Variants in VPS50 observed in about 807,000 individuals in gnomAD.
VPS50 encodes the protein VPS50 subunit of EARP/GARPII complex.
VPS50 carries 70 observed loss-of-function variants against 139.7 expected under a neutral mutation model. The observed-to-expected ratio is 0.50, with a 90% CI of 0.41 to 0.61. The LOEUF (loss-of-function observed/expected upper bound fraction) is 0.61, where lower values mean the gene tolerates loss of function less well. Ranked by LOEUF, VPS50 falls within the 20% of genes least tolerant of loss-of-function variation. VPS50 has a pLI of 0.00. For missense variants in VPS50, 921 were observed against 1,133.7 expected (o/e 0.81, Z 2.69); for synonymous variants, 365 against 376.7 (o/e 0.97, Z 0.36).
chr7:93,329,517 A>G (rs939470302), intron 21 of VPS50, among the ~76,000 whole-genome samples: 3 of 151,996 alleles, frequency 2.0e-5, no homozygotes, highest in Non-Finnish European at 4.4e-5. Flanking sequence ...AGAGAGAGAG[A>G]ATGGGTCAGA....
At chr7:93,259,719 T>A in intron 9 of VPS50, 87 bp downstream of exon 9, 1 of 707,490 alleles carries the variant, frequency 1.4e-6, no homozygotes, top group Non-Finnish European at 2.5e-6. Flanking sequence ...ACATTGAAAA[T>A]TAGTATAAAG....
chr7:93,255,674 A>T (rs1310573005), intron 4 of VPS50, among the ~76,000 whole-genome samples: 2 of 152,224 alleles, frequency 1.3e-5, no homozygotes, highest in African/African-American at 4.8e-5. Flanking sequence ...TCTAGACAAA[A>T]ACAATGAGTG....
chr7:93,316,704 G>A (rs1014579923), intron 20 of VPS50, among the ~76,000 whole-genome samples: 13 of 152,152 alleles, frequency 8.5e-5, no homozygotes, highest in Non-Finnish European at 1.2e-4. Flanking sequence ...GACATATAGA[G>A]GTACCTCTGG....
chr7:93,347,574 C>G lies in VPS50; in HGVS notation c.2208-1137C>G, dbSNP rs377696624. Among the ~76,000 whole-genome samples, 42 of 133,068 alleles carry G rather than the reference C, an allele frequency of 3.2e-4. No individual in the cohort carries two copies. In the South Asian group the frequency reaches 4.3e-3, roughly 14 times the overall value. The allele number at this position is 133,068 out of a possible 152,430, so 87.3% of individuals were successfully genotyped here. ...CACAATGGCAAAGACTTGGAACCAA[C>G]CCAAATGTCCAACAATGATAGACTC... On this transcript the variant is annotated intron_variant, in intron 23 of 27. Coordinates refer to ENST00000305866, the MANE Select transcript of VPS50 (RefSeq NM_017667.4).
chr7:93,239,770 T>G (rs1794923900), intron 1 of VPS50, 96 bp from the exon 2 acceptor site: 2 of 692,830 alleles, frequency 2.9e-6, no homozygotes, highest in Non-Finnish European at 5.1e-6. Flanking sequence ...AAATTTCTAT[T>G]TTTAAAGTGG....
chr7:93,321,486 A>G (rs1022298564), intron 20 of VPS50, among the ~76,000 whole-genome samples: 2 of 152,102 alleles, frequency 1.3e-5, no homozygotes, highest in African/African-American at 4.8e-5. Flanking sequence ...CTTATTGATT[A>G]TTGTCTTCCA....
chr7:93,328,778 G>A (rs181679144), intron 21 of VPS50, among the ~76,000 whole-genome samples: 400 of 152,198 alleles, frequency 2.6e-3, no homozygotes, highest in African/African-American at 9.1e-3. Flanking sequence ...TAGAAAACTG[G>A]AAACACTGAA....
chr7:93,291,093 T>C (rs1796635446), intron 12 of VPS50, among the ~76,000 whole-genome samples: 3 of 152,024 alleles, frequency 2.0e-5, no homozygotes, highest in Admixed American at 6.6e-5. Flanking sequence ...GAATGGCAAA[T>C]TGGTTGTTTT....
At chr7:93,309,206 A>T (rs1797198639) in intron 19 of VPS50, among the ~76,000 whole-genome samples, 1 of 152,002 alleles carries the variant, frequency 6.6e-6, no homozygotes, top group Non-Finnish European at 1.5e-5. Context: ...GGTATCTCAC[A>T]GATCAGTTCA....
At chr7:93,248,801 T>C (rs1795230264) in intron 2 of VPS50, among the ~76,000 whole-genome samples, 1 of 152,072 alleles carries the variant, frequency 6.6e-6, no homozygotes, top group Admixed American at 6.6e-5. Context: ...GAAGCAGAGC[T>C]TTACAGACTG....
At chr7:93,236,387 C>G (rs2116761642) in intron 1 of VPS50, among the ~76,000 whole-genome samples, 1 of 152,232 alleles carries the variant, frequency 6.6e-6, no homozygotes, top group Middle Eastern at 3.4e-3. Flanking sequence ...GAAGGAAACA[C>G]AAATCATCAC....
intron 9 of VPS50, among the ~76,000 whole-genome samples, chr7:93,260,347 A>G (rs1391389283): frequency 6.6e-6 from 1 of 152,164 alleles, no homozygotes; most frequent in African/African-American, 2.4e-5. Flanking sequence ...TAAGTAAAAT[A>G]GTGTGCTTGC....
In VPS50 at chr7:93,348,753, G is replaced by A. The variant is rs376064331; in HGVS notation, c.2250G>A (p.Leu750=). Residue 750 remains leucine, a synonymous_variant, in exon 24 of 28, where the codon CTG becomes CTA. Transcript: ENST00000305866. ...AEQFEFLQPH[L]DAVMPAVKKP... ...AGTTTGAGTTCCTTCAGCCACATCT[G>A]GATGCTGTGATGCCTGCAGTCAAAA... is the stretch of plus-strand genomic sequence containing the variant. 37 of 1,613,556 alleles carry A rather than the reference G, an allele frequency of 2.3e-5. No homozygotes were observed. The highest frequency in any genetic ancestry group is 3.0e-5 in the Non-Finnish European group (35 of 1,179,674).
At chr7:93,286,056 A>G (rs909954046) in intron 12 of VPS50, among the ~76,000 whole-genome samples, 9 of 151,882 alleles carry the variant, frequency 5.9e-5, no homozygotes, top group African/African-American at 2.2e-4. Flanking sequence ...TTATATGCCT[A>G]TTTTATCTTT....
At chr7:93,293,045 C>T (rs1796695571) in intron 13 of VPS50, among the ~76,000 whole-genome samples, 1 of 152,140 alleles carries the variant, frequency 6.6e-6, no homozygotes, top group South Asian at 2.1e-4. Flanking sequence ...TCCCATTCTT[C>T]AGTTTGCTCC....
intron 23 of VPS50, among the ~76,000 whole-genome samples, chr7:93,345,349 C>T (rs905344650): frequency 2.0e-5 from 3 of 152,158 alleles, no homozygotes; most frequent in African/African-American, 4.8e-5. Context: ...AGCTTACCAA[C>T]GAAAAAGAGT....
At chr7:93,299,497 G>A (rs1398811103) in intron 16 of VPS50, among the ~76,000 whole-genome samples, 1 of 152,090 alleles carries the variant, frequency 6.6e-6, no homozygotes. Context: ...TTGGTTCATG[G>A]TCCTCTCCTG....
At chr7:93,324,141 T>C (rs60482979) in intron 21 of VPS50, among the ~76,000 whole-genome samples, 13,861 of 152,258 alleles carry the variant, frequency 0.091, 1,680 homozygotes, top group African/African-American at 0.28. Flanking sequence ...TTGTGATTTT[T>C]GTACATTGAT....
chr7:93,348,604 A>G, intron 23 of VPS50, 107 bp from the exon 24 acceptor site: 1 of 732,094 alleles, frequency 1.4e-6, no homozygotes, highest in Non-Finnish European at 2.3e-6. Context: ...AGTAATTTTT[A>G]TTGTTAAAGT....
Sources: gnomAD v4.1 joint callset for allele counts (sites outside exome capture counted in the v4.1 genomes callset) on GRCh38, gnomAD v4.1.1 for gene constraint, MANE v1.5 for transcripts, NCBI Gene and HGNC (gene_info 2026-07-23, HGNC 2026-07-21) for gene names.